The following UTRN variants were observed in gnomAD, a reference collection of about 807,000 sequenced individuals.
UTRN encodes the protein dystrophin-related protein 1.
A neutral mutation model predicts 463.9 loss-of-function variants in UTRN; 283 were observed. That is an observed-to-expected ratio of 0.61 (90% CI 0.55 to 0.67). The LOEUF is 0.67. UTRN is among the 30% of genes least tolerant of loss of function. The probability of loss-of-function intolerance (pLI) is 0.00; values close to 1 mark genes in which losing one functional copy is unlikely to be tolerated. For missense variants in UTRN, 3,922 were observed against 4,084.3 expected, an observed-to-expected ratio of 0.96 and a Z score of 1.08; for synonymous variants, 1,442 against 1,431.5, an observed-to-expected ratio of 1.01 and a Z score of -0.17.
At chr6:144,455,827 C>T (rs1788756697) in intron 19 of UTRN, among the ~76,000 whole-genome samples, 1 of 152,126 alleles carries the variant, frequency 6.6e-6, no homozygotes, top group Non-Finnish European at 1.5e-5. Context: ...TATTAGCTGA[C>T]TATAGGCTTT....
chr6:144,746,915 G>A (rs1353748497), intron 54 of UTRN, among the ~76,000 whole-genome samples: 1 of 152,216 alleles, frequency 6.6e-6, no homozygotes, highest in East Asian at 1.9e-4. Context: ...CACTTAAGCA[G>A]CACAACTTGT....
intron 51 of UTRN, among the ~76,000 whole-genome samples, chr6:144,617,960 G>A (rs1457663795): frequency 1.3e-5 from 2 of 152,140 alleles, no homozygotes; most frequent in South Asian, 2.1e-4. Flanking sequence ...GCCATCCCTC[G>A]ATTTAGCAGA....
At chr6:144,830,722 GTTTTTT>G (rs1780597884) in intron 69 of UTRN, among the ~76,000 whole-genome samples, 2 of 143,736 alleles carry the variant, frequency 1.4e-5, no homozygotes, top group East Asian at 2.2e-4. Context: ...TTTGTTTTTT[GTTTTTT>G]GTTTTTTTTT....
At chr6:144,495,059 C>G (rs1793475599) in intron 33 of UTRN, among the ~76,000 whole-genome samples, 1 of 152,264 alleles carries the variant, frequency 6.6e-6, no homozygotes, top group South Asian at 2.1e-4. Flanking sequence ...CACGTCCCCA[C>G]CAGACCCAGG....
chr6:144,517,692 T>C (rs2128593700), intron 39 of UTRN, among the ~76,000 whole-genome samples: 1 of 152,328 alleles, frequency 6.6e-6, no homozygotes, highest in Admixed American at 6.5e-5. Flanking sequence ...CATAAATACT[T>C]CCAACTGTGT....
chr6:144,773,064 G>A (rs1415366328), intron 59 of UTRN, among the ~76,000 whole-genome samples: 1 of 151,932 alleles, frequency 6.6e-6, no homozygotes, highest in Non-Finnish European at 1.5e-5. Flanking sequence ...GTAAAATGAG[G>A]GGGCAAATTT....
intron 19 of UTRN, among the ~76,000 whole-genome samples, chr6:144,455,703 G>C (rs1394453121): frequency 1.3e-5 from 2 of 152,152 alleles, no homozygotes; most frequent in African/African-American, 4.8e-5. Flanking sequence ...TCCTTTTCTA[G>C]TTTCTTATCC....
chr6:144,469,504 G>T (rs1404772119), intron 23 of UTRN, among the ~76,000 whole-genome samples: 1 of 152,178 alleles, frequency 6.6e-6, no homozygotes, highest in Non-Finnish European at 1.5e-5. Flanking sequence ...GGCTAGGCAG[G>T]TGCTGAGCTT....
intron 63 of UTRN, among the ~76,000 whole-genome samples, chr6:144,796,186 G>A (rs1266660543): frequency 1.3e-5 from 2 of 151,972 alleles, no homozygotes; most frequent in African/African-American, 4.8e-5. Context: ...TACCCATTGC[G>A]TGTTTTTGTC....
At position 144,539,162 on chromosome 6, in the gene UTRN, A is replaced by T. The variant is rs149154813; in HGVS notation, c.6370-132A>T. The T allele has an allele frequency of 3.8e-6, 4 of 1,050,064 alleles. No homozygotes were observed. The African/African-American group carries it at 4.9e-5, about 13-fold the overall frequency. The allele number at this position is 1,050,064 out of a possible 1,614,324, so 65.0% of individuals were successfully genotyped here. ...TTGTTAGCATGAGCTTAAGCTTCTT[A>T]TAAGTTTATTTTTTCACTTAACAAA... is the stretch of plus-strand genomic sequence containing the variant. On this transcript the variant is annotated intron_variant, in intron 44 of 74. Coordinates refer to ENST00000367545, the MANE Select transcript of UTRN (RefSeq NM_007124.3).
chr6:144,724,518 C>T (rs185057431), intron 53 of UTRN, among the ~76,000 whole-genome samples: 355 of 152,176 alleles, frequency 2.3e-3, no homozygotes, highest in African/African-American at 8.1e-3. Flanking sequence ...TGAGCCACTG[C>T]GCCTGGCCCA....
chr6:144,440,389 T>G lies in UTRN; in HGVS notation c.1430T>G (p.Val477Gly), dbSNP rs1225244827. 5.0e-6 allele frequency: 8 copies of G among 1,614,192 alleles called. No individual in the cohort carries two copies. The South Asian group carries it at 8.8e-5, about 18-fold the overall frequency. The change falls in exon 13 of 75, where the codon GTA becomes GGA. Residue 477 changes from valine to glycine, a missense_variant. This residue lies in a region of UTRN where 2,349 missense variants were observed against 2,303.8 expected (regional missense o/e 1.02). Transcript: ENST00000367545. Reference protein sequence around the residue: ...QSDLEAEQVKVNSLTHMVVIV... With the variant: ...QSDLEAEQVKGNSLTHMVVIV... ...GATCTTGAGGCTGAACAGGTGAAAG[T>G]AAATTCACTAACTCACATGGTGGTC...
intron 51 of UTRN, among the ~76,000 whole-genome samples, chr6:144,635,575 TGTTACCCAGGCTGGA>T (rs1777090241): frequency 7.1e-6 from 1 of 140,552 alleles, no homozygotes; most frequent in African/African-American, 2.7e-5. Context: ...AGTCTTACTT[TGTTACCCAGGCTGGA>T]GTGCAGTGAC....
At chr6:144,731,694 A>G (rs1788542493) in intron 54 of UTRN, among the ~76,000 whole-genome samples, 1 of 152,110 alleles carries the variant, frequency 6.6e-6, no homozygotes. Flanking sequence ...ATATACACAC[A>G]TGTACACACA....
intron 63 of UTRN, 109 bp downstream of exon 63, chr6:144,794,100 T>G: frequency 7.0e-7 from 1 of 1,438,180 alleles, no homozygotes; most frequent in Non-Finnish European, 9.3e-7. Flanking sequence ...TGGAAGACTT[T>G]GGGTACCATC....
intron 60 of UTRN, among the ~76,000 whole-genome samples, chr6:144,776,106 C>A (rs1231575918): frequency 1.3e-5 from 2 of 152,188 alleles, no homozygotes; most frequent in African/African-American, 4.8e-5. Flanking sequence ...TCCTGGAGCT[C>A]ATCAGTTTAT....
In UTRN at chr6:144,735,668, T is replaced by C. The variant is rs114738804; in HGVS notation, c.7939+5182T>C. ...TTCAGTCAGCTTTTCTTGTCTCCTT[T>C]CTTCCCTAGGACTTTGCGAAGTTTA... is the stretch of plus-strand genomic sequence containing the variant. On this transcript the variant is annotated intron_variant, in intron 54 of 74. Transcript: ENST00000367545. Among the ~76,000 whole-genome samples, 940 of 152,292 alleles carry C rather than the reference T, an allele frequency of 6.2e-3. 8 individuals carry two copies. The highest frequency in any genetic ancestry group is 0.021 in the African/African-American group (885 of 41,554).
chr6:144,320,764 C>A (rs1463518771), intron 2 of UTRN, among the ~76,000 whole-genome samples: 4 of 152,212 alleles, frequency 2.6e-5, no homozygotes, highest in Non-Finnish European at 5.9e-5. Flanking sequence ...TCCTTTCAGT[C>A]GTGGTCTGAG....
At chr6:144,436,909 A>G (rs147019596) in intron 10 of UTRN, among the ~76,000 whole-genome samples, 3,880 of 144,320 alleles carry the variant, frequency 0.027, 154 homozygotes, top group African/African-American at 0.087. Flanking sequence ...TAATCTATTT[A>G]TATATTATAT....
Sources: gnomAD v4.1 joint callset for allele counts (sites outside exome capture counted in the v4.1 genomes callset) on GRCh38, gnomAD v4.1.1 for gene constraint, gnomAD v4.1.1 regional missense constraint, MANE v1.5 for transcripts, NCBI Gene and HGNC (gene_info 2026-07-23, HGNC 2026-07-21) for gene names.